FRMD6: variants seen among roughly 807,000 people sequenced by gnomAD.
The protein encoded by FRMD6 is FERM domain-containing protein 6.
In FRMD6, 37 loss-of-function variants were observed where a neutral mutation model predicts 73.2. The ratio of observed to expected loss-of-function variants is 0.51; its 90% CI spans 0.39 to 0.66. The LOEUF is 0.66. Ranked by LOEUF, FRMD6 falls within the 30% of genes least tolerant of loss-of-function variation. The pLI, the probability that FRMD6 is intolerant of heterozygous loss-of-function variation, is 0.00. For missense variants in FRMD6, 714 were observed against 780.5 expected (o/e 0.91, Z 1.02); for synonymous variants, 273 against 282.2 (o/e 0.97, Z 0.33).
At chr14:51,473,483 C>T in the FRMD6 span, among the ~76,000 whole-genome samples, 22 of 152,174 alleles carry the variant, frequency 1.4e-4, no homozygotes, top group Middle Eastern at 3.2e-3. Context: ...TAAGTGAGCA[C>T]GACTCTTTAT....
chr14:51,523,013 TATGGAAATACAACAAA>T (rs1885033720), intron 1 of FRMD6: 1 of 152,178 alleles, frequency 6.6e-6, no homozygotes, highest in South Asian at 2.1e-4. Flanking sequence ...TTAAAATCTG[TATGGAAATACAACAAA>T]ATGGAAACAC....
At chr14:51,464,176 A>G in the FRMD6 span, among the ~76,000 whole-genome samples, 1 of 152,224 alleles carries the variant, frequency 6.6e-6, no homozygotes, top group African/African-American at 2.4e-5. Flanking sequence ...AACTCTAAAG[A>G]TAGTGAAGGA....
upstream of FRMD6, among the ~76,000 whole-genome samples, chr14:51,486,262 C>G (rs1374298674): frequency 6.6e-6 from 1 of 152,076 alleles, no homozygotes; most frequent in Non-Finnish European, 1.5e-5. Flanking sequence ...TCTCCATCTA[C>G]TGACCTGTTG....
At chr14:51,535,860 T>C (rs1301296790) in intron 1 of FRMD6, among the ~76,000 whole-genome samples, 1 of 152,042 alleles carries the variant, frequency 6.6e-6, no homozygotes, top group Non-Finnish European at 1.5e-5. Context: ...ACACTTATTA[T>C]TGTCTGATTT....
At chr14:51,540,045 C>A (rs577049032) in intron 1 of FRMD6, among the ~76,000 whole-genome samples, 24 of 152,276 alleles carry the variant, frequency 1.6e-4, no homozygotes, top group Admixed American at 1.2e-3. Flanking sequence ...CAACTATTGC[C>A]CACCCTGAAT....
chr14:51,429,755 A>G, the FRMD6 span, among the ~76,000 whole-genome samples: 1 of 152,194 alleles, frequency 6.6e-6, no homozygotes, highest in South Asian at 2.1e-4. Context: ...CTTATTTTTA[A>G]TATTTATAAA....
chr14:51,403,591 G>A, the FRMD6 span, among the ~76,000 whole-genome samples: 1 of 151,978 alleles, frequency 6.6e-6, no homozygotes, highest in African/African-American at 2.4e-5. Context: ...TTGTAGAGAC[G>A]AGATCTTGCT....
chr14:51,688,155 A>T (rs1895298978), intron 1 of FRMD6, among the ~76,000 whole-genome samples: 1 of 151,688 alleles, frequency 6.6e-6, no homozygotes, highest in Non-Finnish European at 1.5e-5. Flanking sequence ...CTTGGGGCAT[A>T]GTTTGTGGTC....
Position 51,704,744 on chromosome 14 carries a change from T to G in FRMD6, c.372-5T>G. On this transcript the variant is annotated splice_region_variant and splice_polypyrimidine_tract_variant and intron_variant, in intron 5 of 13. Coordinates refer to ENST00000344768, the MANE Select transcript of FRMD6 (RefSeq NM_001267046.2). ...TGTGAGTTCTGTTTTCTTTTATTTTTCTAGTGACAGAGCAGCAAGATACTA... is the reference window on the plus strand; with the variant it reads ...TGTGAGTTCTGTTTTCTTTTATTTTGCTAGTGACAGAGCAGCAAGATACTA... 1 of 1,602,222 alleles carries G rather than the reference T, an allele frequency of 6.2e-7. No homozygotes were observed. Among genetic ancestry groups the G allele is most frequent in the Non-Finnish European group, 8.5e-7 (1 of 1,172,834 alleles).
At chr14:51,534,577 C>G (rs767527593) in intron 1 of FRMD6, among the ~76,000 whole-genome samples, 2 of 152,196 alleles carry the variant, frequency 1.3e-5, no homozygotes, top group Non-Finnish European at 2.9e-5. Flanking sequence ...ACAGCTGTCA[C>G]ACTATTTAGC....
At chr14:51,611,724 G>A (rs1890512944) in intron 2 of FRMD6, among the ~76,000 whole-genome samples, 1 of 152,186 alleles carries the variant, frequency 6.6e-6, no homozygotes, top group Non-Finnish European at 1.5e-5. Context: ...CATAGCACTA[G>A]AGATCTAAGG....
chr14:51,725,161 A>G (rs1897878986), intron 12 of FRMD6, among the ~76,000 whole-genome samples: 1 of 152,172 alleles, frequency 6.6e-6, no homozygotes, highest in Admixed American at 6.5e-5. Context: ...CCTTTTATGC[A>G]TTCACTGTGT....
At chr14:51,495,679 G>A (rs745419384) in intron 1 of FRMD6, among the ~76,000 whole-genome samples, 2 of 152,182 alleles carry the variant, frequency 1.3e-5, no homozygotes, top group Non-Finnish European at 2.9e-5. Flanking sequence ...GACTGACACT[G>A]AGCCAGCTAA....
intron 1 of FRMD6, 28 bp from the exon 2 acceptor site, chr14:51,689,663 A>AG: frequency 1.6e-6 from 1 of 609,864 alleles, no homozygotes; most frequent in Non-Finnish European, 3.0e-6. Flanking sequence ...GCCTTTCTTC[A>AG]GGAGTCTCCC....
chr14:51,400,531 C>T, the FRMD6 span, among the ~76,000 whole-genome samples: 1 of 152,158 alleles, frequency 6.6e-6, no homozygotes, highest in South Asian at 2.1e-4. Context: ...GGCAACTCAA[C>T]TTTATCCAGT....
the FRMD6 span, among the ~76,000 whole-genome samples, chr14:51,396,557 A>G: frequency 6.6e-6 from 1 of 152,300 alleles, no homozygotes. Flanking sequence ...CCTGAAGTTA[A>G]TGATTCAGGA....
In FRMD6 at chr14:51,689,813, G is replaced by A. The variant is rs368511074; in HGVS notation, c.-24G>A. 1.0e-5 allele frequency: 15 copies of A among 1,485,176 alleles called. No homozygotes were observed. Among genetic ancestry groups the A allele is most frequent in the African/African-American group, 1.4e-5 (1 of 72,352 alleles). 92.0% of individuals were successfully genotyped at this position (1,485,176 alleles called of 1,614,324 possible). ...TGCCAAGGACCCAGAGCCCAGCCCT[G>A]ACCACCAGAGTGCCCAAAACACAAT... is the stretch of plus-strand genomic sequence containing the variant. On this transcript the variant is annotated 5_prime_UTR_variant, in exon 2 of 14. It removes the in-frame stop codon of an upstream open reading frame in the 5' UTR. Transcript: ENST00000344768.
intron 6 of FRMD6, among the ~76,000 whole-genome samples, chr14:51,706,720 G>A (rs906993499): frequency 6.6e-6 from 1 of 151,946 alleles, no homozygotes. Context: ...TGCTCAAGAA[G>A]AACCTGGGAA....
At chr14:51,459,468 C>T in the FRMD6 span, among the ~76,000 whole-genome samples, 1 of 152,172 alleles carries the variant, frequency 6.6e-6, no homozygotes, top group Non-Finnish European at 1.5e-5. Flanking sequence ...GTAGAACAGT[C>T]ACTGGGGATT....
Sources: gnomAD v4.1 joint callset for allele counts (sites outside exome capture counted in the v4.1 genomes callset) on GRCh38, gnomAD v4.1.1 for gene constraint, MANE v1.5 for transcripts, NCBI Gene and HGNC (gene_info 2026-07-23, HGNC 2026-07-21) for gene names.